ZNF491: variants seen among roughly 807,000 people sequenced by gnomAD.
ZNF491 encodes zinc finger protein 491.
A neutral mutation model predicts 34.7 loss-of-function variants in ZNF491; 22 were observed. The ratio of observed to expected loss-of-function variants is 0.63; its 90% CI spans 0.45 to 0.90. ZNF491 has a LOEUF of 0.90. ZNF491 is among the 40% of genes least tolerant of loss of function. ZNF491 has a pLI of 0.00. For synonymous variants in ZNF491, 148 were observed against 174.3 expected, an observed-to-expected ratio of 0.85 and a Z score of 1.19; for missense variants, 559 against 531.7, an observed-to-expected ratio of 1.05 and a Z score of -0.51.
chr19:11,805,426 A>G (rs932918766), intron 2 of ZNF491, among the ~76,000 whole-genome samples: 145 of 151,972 alleles, frequency 9.5e-4, no homozygotes, highest in Non-Finnish European at 1.4e-3. Flanking sequence ...AAAAAAAAAA[A>G]AAAAAGAAAC....
chr19:11,800,681 C>T (rs117327942), intron 1 of ZNF491, among the ~76,000 whole-genome samples: 1,660 of 151,992 alleles, frequency 0.011, 15 homozygotes, highest in Admixed American at 0.018. Flanking sequence ...CCGACATGCC[C>T]GGCAGATTTT....
rs917730815 is a variant in ZNF491 at position 11,804,763 on chromosome 19, C to A, written c.-8+96C>A. The A allele has an allele frequency of 7.4e-6, 4 of 541,134 alleles. No individual in the cohort carries two copies. In the East Asian group the frequency reaches 2.8e-4, roughly 38 times the overall value. 33.5% of individuals were successfully genotyped at this position (541,134 alleles called of 1,614,324 possible). On this transcript the variant is annotated intron_variant, in intron 2 of 2. Coordinates refer to ENST00000323169, the MANE Select transcript of ZNF491 (RefSeq NM_152356.4). The stretch of plus-strand genomic sequence containing the variant: ...GGGATTTGGAATATGGATAGGCAAT[C>A]CTTCGATGAACAAATCAGGCATGGC...
In ZNF491 at chr19:11,807,136, T is replaced by C. The variant is rs753508558; in HGVS notation, c.1183T>C (p.Ser395Pro). ...CKHCGKAFTC[S>P]IYIRIHERIH... ...GCATTGTGGGAAAGCCTTCACTTGT[T>C]CCATATATATTAGAATACATGAAAG... Residue 395 changes from serine (S) to proline (P), a missense_variant, in exon 3 of 3, where the codon TCC (serine) becomes CCC (proline). Transcript: ENST00000323169. 10 of 1,612,232 alleles carry C rather than the reference T, an allele frequency of 6.2e-6. No individual in the cohort carries two copies. In the South Asian group the frequency reaches 1.1e-4, roughly 18 times the overall value.
chr19:11,801,590 G>A (rs1320422910), intron 1 of ZNF491, among the ~76,000 whole-genome samples: 2 of 152,164 alleles, frequency 1.3e-5, no homozygotes, highest in Non-Finnish European at 2.9e-5. Flanking sequence ...GGGAGGCGGA[G>A]GTTGCAGTGA....
At chr19:11,801,074 TAC>T (rs1975554382) in intron 1 of ZNF491, among the ~76,000 whole-genome samples, 1 of 147,636 alleles carries the variant, frequency 6.8e-6, no homozygotes, top group Non-Finnish European at 1.5e-5. Context: ...CATGCTGGCT[TAC>T]ACCTGTAATC....
rs145133965 is a variant in ZNF491 at position 11,807,143 on chromosome 19, A to C, written c.1190A>C (p.Tyr397Ser). Residue 397 changes from tyrosine (Y) to serine (S), a missense_variant, in exon 3 of 3, where the codon TAT (tyrosine) becomes TCT (serine). Coordinates refer to ENST00000323169, the MANE Select transcript of ZNF491 (RefSeq NM_152356.4). ...HCGKAFTCSI[Y>S]IRIHERIHTG... ...GGGAAAGCCTTCACTTGTTCCATAT[A>C]TATTAGAATACATGAAAGAATTCAC... 18 of 1,610,482 alleles carry C rather than the reference A, an allele frequency of 1.1e-5. No individual in the cohort carries two copies. Among genetic ancestry groups the C allele is most frequent in the Admixed American group, 5.1e-5 (3 of 59,340 alleles).
Position 11,806,259 on chromosome 19 carries a change from T to A in ZNF491, c.306T>A (p.Pro102=). The A allele has an allele frequency of 6.2e-7, 1 of 1,607,830 alleles. No homozygotes were observed. The highest frequency in any genetic ancestry group is 8.5e-7 in the Non-Finnish European group (1 of 1,178,442). Residue 102 remains proline, a synonymous_variant, in exon 3 of 3, where the codon CCT becomes CCA. Coordinates refer to ENST00000323169, the MANE Select transcript of ZNF491 (RefSeq NM_152356.4). The part of the protein sequence containing the change: ...THERPHTREK[P]FDCKECEKSF... ...AAAGGCCTCACACTAGAGAGAAACC[T>A]TTTGATTGTAAGGAATGTGAAAAAT... is the stretch of plus-strand genomic sequence containing the variant.
chr19:11,807,020 A>C lies in ZNF491; in HGVS notation c.1067A>C (p.Glu356Ala). Residue 356 changes from glutamate (E) to alanine (A), a missense_variant, in exon 3 of 3, where the codon GAA becomes GCA. Transcript: ENST00000323169. Reference protein sequence around the residue: ...GRTHTGEKPYECKQCGKAFHC... With the variant: ...GRTHTGEKPYACKQCGKAFHC... ...ACTCACACTGGTGAGAAACCCTATG[A>C]ATGTAAGCAATGTGGGAAAGCATTT... 1 of 1,611,382 alleles carries C rather than the reference A, an allele frequency of 6.2e-7. No homozygotes were observed. The highest frequency in any genetic ancestry group is 8.5e-7 in the Non-Finnish European group (1 of 1,178,904).
At chr19:11,800,962 C>T (rs1399798408) in intron 1 of ZNF491, among the ~76,000 whole-genome samples, 1 of 151,756 alleles carries the variant, frequency 6.6e-6, no homozygotes. Flanking sequence ...GCTTGAGCCC[C>T]GAAGATCCAA....
At chr19:11,805,678 T>C (rs1241195600) in intron 2 of ZNF491, among the ~76,000 whole-genome samples, 2 of 151,988 alleles carry the variant, frequency 1.3e-5, no homozygotes. Flanking sequence ...CAAGACTCTA[T>C]CTCTACCAAA....
chr19:11,807,204 G>T lies in ZNF491; in HGVS notation c.1251G>T (p.Gly417=), dbSNP rs760732569. The T allele has an allele frequency of 1.4e-5, 22 of 1,589,470 alleles. No homozygotes were observed. Among genetic ancestry groups the T allele is most frequent in the Non-Finnish European group, 1.7e-6 (2 of 1,170,346 alleles). The change falls in exon 3 of 3, where the codon GGG becomes GGT. Residue 417 remains glycine, a synonymous_variant. Transcript: ENST00000323169. ...AACCTTACCAATGTAAGGAATGTGG[G>T]AAAGCCTTCATTCGTTCCAGTTACT... is the stretch of plus-strand genomic sequence containing the variant. ...GEKPYQCKEC[G]KAFIRSSYCR... is the part of the protein sequence containing the mutation.
At chr19:11,802,490 T>G (rs1410863831) in intron 1 of ZNF491, among the ~76,000 whole-genome samples, 5 of 152,236 alleles carry the variant, frequency 3.3e-5, no homozygotes, top group Middle Eastern at 3.2e-3. Context: ...TGCACAAAAG[T>G]TCTTAATTTT....
Position 11,804,459 on chromosome 19 carries a change from A to G in ZNF491, c.-133-83A>G, listed in dbSNP as rs1975588557. The G allele has an allele frequency of 1.1e-5, 16 of 1,401,400 alleles. 1 individual carries two copies. The Admixed American group carries it at 4.1e-4, about 36-fold the overall frequency. The allele number at this position is 1,401,400 out of a possible 1,614,324, so 86.8% of individuals were successfully genotyped here. A position where few individuals can be genotyped will look rare whatever the true frequency, so the allele number is the denominator to read the frequency against. On this transcript the variant is annotated intron_variant, in intron 1 of 2. Coordinates refer to ENST00000323169, the MANE Select transcript of ZNF491 (RefSeq NM_152356.4). ...ATAAATGTTTGGAGTCCACAGCATC[A>G]TGAGAACTTCTTGGGAATAGAGTCT... is the stretch of plus-strand genomic sequence containing the variant.
chr19:11,800,951 C>T (rs550723173), intron 1 of ZNF491, among the ~76,000 whole-genome samples: 15 of 151,884 alleles, frequency 9.9e-5, no homozygotes, highest in Admixed American at 7.2e-4. Context: ...GCGGGAGGAT[C>T]GCTTGAGCCC....
chr19:11,807,128 TC>T lies in ZNF491; in HGVS notation c.1176del (p.Phe392LeufsTer53). ...GAATGTAAGCATTGTGGGAAAGCCT[TC>T]ACTTGTTCCATATATATTAGAATAC... is the stretch of plus-strand genomic sequence containing the variant. ...PYECKHCGKAFTCSIYIRIHE... is the reference protein window; with the variant it reads ...PYECKHCGKAXTCSIYIRIHE... On this transcript the variant is annotated frameshift_variant, in exon 3 of 3. Coordinates refer to ENST00000323169, the MANE Select transcript of ZNF491 (RefSeq NM_152356.4). LOFTEE classifies it high-confidence loss of function. The T allele has an allele frequency of 6.2e-7, 1 of 1,612,796 alleles. No homozygotes were observed. The highest frequency in any genetic ancestry group is 8.5e-7 in the Non-Finnish European group (1 of 1,179,560).
chr19:11,806,436 T>C lies in ZNF491; in HGVS notation c.483T>C (p.Cys161=). The C allele has an allele frequency of 6.2e-7, 1 of 1,613,280 alleles. No homozygotes were observed. Among genetic ancestry groups the C allele is most frequent in the Non-Finnish European group, 8.5e-7 (1 of 1,179,648 alleles). ...ACACTGGAGAGAAACGATATGAATG[T>C]AAACAATGTGGTAAAGCCTTCAGTT... ...RTHTGEKRYE[C]KQCGKAFSWH... Residue 161 remains cysteine, a synonymous_variant, in exon 3 of 3, where the codon TGT becomes TGC. Coordinates refer to ENST00000323169, the MANE Select transcript of ZNF491 (RefSeq NM_152356.4).
At chr19:11,805,558 A>G (rs1975600561) in intron 2 of ZNF491, among the ~76,000 whole-genome samples, 1 of 151,498 alleles carries the variant, frequency 6.6e-6, no homozygotes, top group African/African-American at 2.4e-5. Context: ...GGATAATGTT[A>G]AAAATGCAGC....
In ZNF491 at chr19:11,806,241, T is replaced by G; in HGVS notation, c.288T>G (p.Pro96=). 1.2e-6 allele frequency: 2 copies of G among 1,611,432 alleles called. No homozygotes were observed. The highest frequency in any genetic ancestry group is 1.7e-6 in the Non-Finnish European group (2 of 1,179,356). The change falls in exon 3 of 3, where the codon CCT becomes CCG. Residue 96 remains proline (P), a synonymous_variant. Transcript: ENST00000323169. ...HSHCFRTHER[P]HTREKPFDCK... is the part of the protein sequence containing the mutation. ...ACTGCTTTCGAACACATGAAAGGCCTCACACTAGAGAGAAACCTTTTGATT... is the reference window on the plus strand; with the variant it reads ...ACTGCTTTCGAACACATGAAAGGCCGCACACTAGAGAGAAACCTTTTGATT...
intron 1 of ZNF491, among the ~76,000 whole-genome samples, chr19:11,799,856 G>T (rs1407242143): frequency 1.3e-4 from 20 of 151,922 alleles, no homozygotes; most frequent in Non-Finnish European, 2.9e-5. Context: ...TCGCTTGAAC[G>T]CAGGAGGCGG....
Sources: allele counts gnomAD v4.1 joint callset (sites outside exome capture counted in the v4.1 genomes callset), GRCh38; gene constraint gnomAD v4.1.1; transcripts MANE v1.5; gene names NCBI Gene and HGNC (gene_info 2026-07-23, HGNC 2026-07-21).